AGBL4: variants seen among roughly 807,000 people sequenced by gnomAD.
AGBL4 encodes the protein AGBL carboxypeptidase 4.
In AGBL4, 58 loss-of-function variants were observed where a neutral mutation model predicts 66.4. The observed-to-expected ratio is 0.87, with a 90% CI of 0.71 to 1.09. The LOEUF is 1.09. Ranked by LOEUF, AGBL4 falls within the 50% of genes least tolerant of loss-of-function variation. The pLI is 0.00. For synonymous variants in AGBL4, 234 were observed against 222.9 expected (o/e 1.05, Z -0.44); for missense variants, 579 against 631.0 (o/e 0.92, Z 0.88).
chr1:49,325,366 T>C (rs1056162978), intron 3 of AGBL4, among the ~76,000 whole-genome samples: 5 of 152,232 alleles, frequency 3.3e-5, no homozygotes, highest in Non-Finnish European at 2.9e-5. Flanking sequence ...TTTGCATGTC[T>C]GCTTCTTAAG....
chr1:49,358,182 C>A (rs2148531088), intron 3 of AGBL4, among the ~76,000 whole-genome samples: 1 of 152,264 alleles, frequency 6.6e-6, no homozygotes, highest in African/African-American at 2.4e-5. Context: ...ATTAAGGCCC[C>A]ACCTGGGTTT....
intron 4 of AGBL4, among the ~76,000 whole-genome samples, chr1:49,092,310 C>T (rs1369722730): frequency 6.6e-6 from 1 of 152,072 alleles, no homozygotes; most frequent in African/African-American, 2.4e-5. Context: ...AGTGTGTAAA[C>T]TCAGGAAGAG....
At chr1:48,906,162 A>G (rs1333482614) in intron 5 of AGBL4, among the ~76,000 whole-genome samples, 2 of 152,196 alleles carry the variant, frequency 1.3e-5, no homozygotes, top group Admixed American at 6.5e-5. Flanking sequence ...TGTGACATGA[A>G]AAACCAAAGA....
At chr1:49,245,570 A>C (rs1651575131) in intron 4 of AGBL4, among the ~76,000 whole-genome samples, 200 bp downstream of exon 4, 1 of 151,854 alleles carries the variant, frequency 6.6e-6, no homozygotes, top group Non-Finnish European at 1.5e-5. Flanking sequence ...GGCCATACAG[A>C]AACTCATCCT....
intron 4 of AGBL4, among the ~76,000 whole-genome samples, chr1:49,065,069 T>C (rs901402096): frequency 6.6e-6 from 1 of 152,320 alleles, no homozygotes; most frequent in Admixed American, 6.5e-5. Flanking sequence ...CTATTTTACC[T>C]CTATGTAGGA....
rs1333272188 is a variant in AGBL4 at position 48,875,923 on chromosome 1, G to C, written c.595-8693C>G. 3.3e-5 allele frequency among the ~76,000 whole-genome samples: 5 copies of C among 152,178 alleles called. No homozygotes were observed. The East Asian group carries it at 9.7e-4, about 29-fold the overall frequency. Reference sequence around the variant, plus strand: ...CTCTGAAGCCTACGCTCCATTAGTCGTGACAGCAGTTAGTTGTGAGGGATG... The same window carrying C: ...CTCTGAAGCCTACGCTCCATTAGTCCTGACAGCAGTTAGTTGTGAGGGATG... On this transcript the variant is annotated intron_variant, in intron 5 of 13. Coordinates refer to ENST00000371839, the MANE Select transcript of AGBL4 (RefSeq NM_032785.4).
At chr1:48,600,360 C>A (rs778443339) in intron 9 of AGBL4, among the ~76,000 whole-genome samples, 3 of 152,042 alleles carry the variant, frequency 2.0e-5, no homozygotes, top group Admixed American at 6.6e-5. Context: ...TTACTTTATG[C>A]CAGGGGCAGG....
chr1:49,277,174 T>C (rs543414611), intron 3 of AGBL4, among the ~76,000 whole-genome samples: 1 of 152,334 alleles, frequency 6.6e-6, no homozygotes, highest in South Asian at 2.1e-4. Flanking sequence ...TTCTTCACTA[T>C]CTTCATAATT....
intron 5 of AGBL4, among the ~76,000 whole-genome samples, chr1:48,980,376 C>A (rs1659653688): frequency 6.6e-6 from 1 of 152,016 alleles, no homozygotes; most frequent in South Asian, 2.1e-4. Flanking sequence ...CCAACAGCCT[C>A]CAAAGCTATT....
intron 3 of AGBL4, among the ~76,000 whole-genome samples, chr1:49,647,727 C>G (rs1342443422): frequency 6.6e-6 from 1 of 151,952 alleles, no homozygotes; most frequent in African/African-American, 2.4e-5. Context: ...GGGATTTGGT[C>G]AGAACTTAAC....
In AGBL4 at chr1:49,541,871, TA is replaced by T. The variant is rs543542764; in HGVS notation, c.282+155441del. Reference sequence around the variant, plus strand: ...CACTCTGTGTCTAGCTCAAGGTTTGTAAATGCACCAATCAGCACTCTGTGTC... The same window carrying T: ...CACTCTGTGTCTAGCTCAAGGTTTGTAATGCACCAATCAGCACTCTGTGTC... On this transcript the variant is annotated intron_variant, in intron 3 of 13. Transcript: ENST00000371839. Among the ~76,000 whole-genome samples, 48 of 152,280 alleles carry T rather than the reference TA, an allele frequency of 3.2e-4. No individual in the cohort carries two copies. The South Asian group carries it at 9.1e-3, about 29-fold the overall frequency.
At chr1:49,238,487 T>C (rs1016631336) in intron 4 of AGBL4, among the ~76,000 whole-genome samples, 1 of 152,178 alleles carries the variant, frequency 6.6e-6, no homozygotes, top group African/African-American at 2.4e-5. Context: ...AAGTGGGTGG[T>C]GGAAGGTCAC....
chr1:49,866,389 C>T (rs1423066016), intron 1 of AGBL4, among the ~76,000 whole-genome samples: 3 of 152,116 alleles, frequency 2.0e-5, no homozygotes, highest in East Asian at 1.9e-4. Flanking sequence ...AAAAGGGAAG[C>T]CCATCAGACT....
rs1262953481 is a variant in AGBL4 at position 49,479,250 on chromosome 1, T to A, written c.282+218063A>T. On this transcript the variant is annotated intron_variant, in intron 3 of 13. Coordinates refer to ENST00000371839, the MANE Select transcript of AGBL4 (RefSeq NM_032785.4). ...TGAACAAATCAAATCAGGAAAGTTA[T>A]CCCATTTACAATAACTACAAATACA... Among the ~76,000 whole-genome samples the A allele has an allele frequency of 2.0e-5, 3 of 151,980 alleles. No individual in the cohort carries two copies. In the East Asian group the frequency reaches 5.8e-4, roughly 29 times the overall value.
intron 9 of AGBL4, among the ~76,000 whole-genome samples, chr1:48,606,767 C>G (rs1005784298): frequency 6.6e-6 from 1 of 152,140 alleles, no homozygotes; most frequent in African/African-American, 2.4e-5. Flanking sequence ...ACTCAAAATA[C>G]CTCCTTCCTT....
downstream of AGBL4, among the ~76,000 whole-genome samples, chr1:48,528,726 G>A (rs1263247662): frequency 1.3e-5 from 2 of 152,136 alleles, no homozygotes; most frequent in African/African-American, 4.8e-5. Context: ...ATATGTGAGT[G>A]CCTTGGGGGA....
chr1:49,823,579 G>A (rs1345059106), intron 2 of AGBL4, among the ~76,000 whole-genome samples: 1 of 152,082 alleles, frequency 6.6e-6, no homozygotes, highest in Admixed American at 6.6e-5. Context: ...TCAAATTTTG[G>A]AAGCAAGAAT....
intron 3 of AGBL4, among the ~76,000 whole-genome samples, chr1:49,470,701 C>T (rs1200793008): frequency 6.6e-6 from 1 of 152,004 alleles, no homozygotes; most frequent in African/African-American, 2.4e-5. Flanking sequence ...AATAATCTGA[C>T]GACCTGGAAG....
rs1186736765 is a variant in AGBL4, at chr1:49,410,542, G to A, written c.283-164678C>T. ...CACAACTTGAGCATAGCTAAGACTA[G>A]CCATGCTCTTTCCTCTGTATCAGTT... On this transcript the variant is annotated intron_variant, in intron 3 of 13. Coordinates refer to ENST00000371839, the MANE Select transcript of AGBL4 (RefSeq NM_032785.4). Among the ~76,000 whole-genome samples, 4 of 152,236 alleles carry A rather than the reference G, an allele frequency of 2.6e-5. No homozygotes were observed. In the East Asian group the frequency reaches 7.7e-4, roughly 29 times the overall value.
Sources: gnomAD v4.1 joint callset for allele counts (sites outside exome capture counted in the v4.1 genomes callset) on GRCh38, gnomAD v4.1.1 for gene constraint, MANE v1.5 for transcripts, NCBI Gene and HGNC (gene_info 2026-07-23, HGNC 2026-07-21) for gene names.